VAMP7: variants seen among roughly 807,000 people sequenced by gnomAD.
VAMP7 encodes the protein vesicle-associated membrane protein 7.
A neutral mutation model predicts 29.6 loss-of-function variants in VAMP7; 14 were observed. That is an observed-to-expected ratio of 0.47 (90% confidence interval 0.31 to 0.74). The LOEUF is 0.74. Ranked by LOEUF, VAMP7 falls within the 30% of genes least tolerant of loss-of-function variation. The pLI is 0.05. For synonymous variants in VAMP7, 95 were observed against 88.1 expected (o/e 1.08, Z -0.44); for missense variants, 223 against 262.4 (o/e 0.85, Z 1.04).
At chrX:155,887,624 G>A (rs948858562) in intron 1 of VAMP7, among the ~76,000 whole-genome samples, 2 of 152,000 alleles carry the variant, frequency 1.3e-5, no homozygotes, top group South Asian at 2.1e-4. Flanking sequence ...AATGCGTAAC[G>A]ATGCTTTGAA....
At chrX:155,906,659 G>T in intron 5 of VAMP7, among the ~76,000 whole-genome samples, 1 of 151,988 alleles carries the variant, frequency 6.6e-6, no homozygotes, top group Non-Finnish European at 1.5e-5. Flanking sequence ...TTATAAATTG[G>T]TGTTGTATCA....
At chrX:155,912,424 A>G (rs890633762) in intron 5 of VAMP7, among the ~76,000 whole-genome samples, 3 of 152,056 alleles carry the variant, frequency 2.0e-5, no homozygotes, top group Admixed American at 6.5e-5. Context: ...GCTTTGTTAC[A>G]TAGGTATACA....
intron 6 of VAMP7, among the ~76,000 whole-genome samples, chrX:155,934,372 A>G (rs1008910237): frequency 6.6e-5 from 10 of 152,120 alleles, no homozygotes; most frequent in African/African-American, 9.7e-5. Flanking sequence ...TGCTTTATGA[A>G]TCTGGGTCCT....
intron 6 of VAMP7, among the ~76,000 whole-genome samples, chrX:155,938,464 A>C (rs373191122): frequency 3.3e-3 from 3 of 904 alleles, no homozygotes; most frequent in African/African-American, 3.8e-3. Flanking sequence ...GTGAAGTATA[A>C]TATACATAAA....
chrX:155,932,231 C>G (rs887555647), intron 6 of VAMP7, among the ~76,000 whole-genome samples: 7 of 152,046 alleles, frequency 4.6e-5, no homozygotes, highest in Non-Finnish European at 7.4e-5. Flanking sequence ...GTAGTTTTTT[C>G]CAATTCAGTG....
intron 5 of VAMP7, among the ~76,000 whole-genome samples, chrX:155,904,905 A>ATT (rs1182251407): frequency 3.5e-5 from 3 of 84,530 alleles, no homozygotes; most frequent in African/African-American, 5.9e-5. Context: ...TATATTATAT[A>ATT]TTATATATAT....
Position 155,930,665 on chromosome X carries a change from T to A in VAMP7, c.502-9036T>A, listed in dbSNP as rs747936792. ...GACCTCCATCTCAAAAAAAAAAAAA[T>A]TTTTTTTCTTTTAATTCTTTTTTAT... is the stretch of plus-strand genomic sequence containing the variant. On this transcript the variant is annotated intron_variant, in intron 6 of 7. Coordinates refer to ENST00000286448, the MANE Select transcript of VAMP7 (RefSeq NM_005638.6). Among the ~76,000 whole-genome samples, 386 of 142,504 alleles carry A rather than the reference T, an allele frequency of 2.7e-3. 4 individuals are homozygous for A. The highest frequency in any genetic ancestry group is 4.3e-3 in the South Asian group (20 of 4,684). The allele number at this position is 142,504 out of a possible 152,430, so 93.5% of individuals were successfully genotyped here.
intron 1 of VAMP7, among the ~76,000 whole-genome samples, chrX:155,887,719 G>A (rs2065880764): frequency 6.6e-6 from 1 of 151,904 alleles, no homozygotes; most frequent in Non-Finnish European, 1.5e-5. Context: ...ACTTGAGCCC[G>A]GGAGTTCAAG....
intron 6 of VAMP7, among the ~76,000 whole-genome samples, chrX:155,938,837 C>T (rs1280251761): frequency 1.3e-5 from 2 of 152,072 alleles, no homozygotes; most frequent in Non-Finnish European, 1.5e-5. Flanking sequence ...TAAAATATAG[C>T]AGGTATTCTG....
At chrX:155,911,614 T>C (rs1043540235) in intron 5 of VAMP7, among the ~76,000 whole-genome samples, 2 of 152,156 alleles carry the variant, frequency 1.3e-5, no homozygotes, top group Admixed American at 1.3e-4. Flanking sequence ...CTTTGTGTCA[T>C]CTTCAGTTTT....
intron 5 of VAMP7, among the ~76,000 whole-genome samples, chrX:155,901,164 A>G (rs2066056126): frequency 6.6e-6 from 1 of 152,018 alleles, no homozygotes; most frequent in Admixed American, 6.6e-5. Context: ...TTTTGTGCCT[A>G]TTATGTTTTT....
chrX:155,908,467 G>T (rs2066183614), intron 5 of VAMP7, among the ~76,000 whole-genome samples: 1 of 152,294 alleles, frequency 6.6e-6, no homozygotes, highest in South Asian at 2.1e-4. Flanking sequence ...CAGGGAGGTT[G>T]CAGTGAGCCG....
intron 2 of VAMP7, among the ~76,000 whole-genome samples, chrX:155,895,020 C>A (rs943158821): frequency 3.3e-5 from 5 of 152,134 alleles, no homozygotes; most frequent in African/African-American, 1.2e-4. Flanking sequence ...TTTGGCAAAT[C>A]TCCATTTCGT....
chrX:155,889,735 A>G, intron 2 of VAMP7, 123 bp downstream of exon 2: 1 of 1,054,762 alleles, frequency 9.5e-7, no homozygotes, highest in Non-Finnish European at 1.3e-6. Context: ...ACAGAATAGT[A>G]ACCTTCACCA....
chrX:155,899,577 G>T (rs1329580850), intron 4 of VAMP7, among the ~76,000 whole-genome samples: 1 of 151,500 alleles, frequency 6.6e-6, no homozygotes, highest in Non-Finnish European at 1.5e-5. Context: ...TACTCTTCTG[G>T]CAATAAAGTC....
chrX:155,886,343 T>C (rs752566515), intron 1 of VAMP7, among the ~76,000 whole-genome samples: 1 of 152,278 alleles, frequency 6.6e-6, no homozygotes, highest in Admixed American at 6.5e-5. Flanking sequence ...TTTAGCAGTA[T>C]AGCAGAGAGG....
chrX:155,911,685 C>G (rs1199165306), intron 5 of VAMP7, among the ~76,000 whole-genome samples: 6 of 151,696 alleles, frequency 4.0e-5, no homozygotes, highest in Non-Finnish European at 8.8e-5. Context: ...TAAATTTATT[C>G]TTCAATATTT....
chrX:155,900,445 C>T, intron 4 of VAMP7, 52 bp from the exon 5 acceptor site: 1 of 1,405,466 alleles, frequency 7.1e-7, no homozygotes, highest in Non-Finnish European at 9.8e-7. Context: ...TTTTTGTTTT[C>T]CTATTGTAAA....
At chrX:155,918,078 C>T (rs2066338522) in intron 5 of VAMP7, among the ~76,000 whole-genome samples, 1 of 152,086 alleles carries the variant, frequency 6.6e-6, no homozygotes, top group African/African-American at 2.4e-5. Flanking sequence ...CTCCCCGGTT[C>T]AAACTTCCTG....
Sources: gnomAD v4.1 joint callset for allele counts (sites outside exome capture counted in the v4.1 genomes callset) on GRCh38, gnomAD v4.1.1 for gene constraint, MANE v1.5 for transcripts, NCBI Gene and HGNC (gene_info 2026-07-23, HGNC 2026-07-21) for gene names.